Variants in ATP8A2 observed in about 807,000 individuals in gnomAD.
ATP8A2 encodes the protein ATPase phospholipid transporting 8A2, also known as phospholipid-transporting ATPase IB.
A neutral mutation model predicts 165.6 loss-of-function variants in ATP8A2; 100 were observed. That is an observed-to-expected ratio of 0.60 (90% confidence interval 0.51 to 0.71). The LOEUF (loss-of-function observed/expected upper bound fraction) is 0.71. Among genes scored for constraint, ATP8A2 ranks in the 30% least tolerant of loss-of-function variants. The pLI, the probability that ATP8A2 is intolerant of heterozygous loss-of-function variation, is 0.00. For synonymous variants in ATP8A2, 543 were observed against 548.8 expected, an observed-to-expected ratio of 0.99 and a Z score of 0.15; for missense variants, 1,227 against 1,479.5, an observed-to-expected ratio of 0.83 and a Z score of 2.80.
chr13:25,862,488 T>C (rs1185710118), intron 33 of ATP8A2, 80 bp downstream of exon 33: 6 of 1,086,588 alleles, frequency 5.5e-6, no homozygotes, highest in African/African-American at 3.1e-5. Context: ...GCAGGCACTG[T>C]GTGTCTTACA....
chr13:25,421,519 G>C (rs929798781), intron 1 of ATP8A2, among the ~76,000 whole-genome samples: 1 of 152,068 alleles, frequency 6.6e-6, no homozygotes, highest in African/African-American at 2.4e-5. Context: ...ACTTTTTGTA[G>C]AGACAGGGTC....
chr13:25,741,137 T>G (rs1333832766), intron 25 of ATP8A2, among the ~76,000 whole-genome samples: 1 of 152,100 alleles, frequency 6.6e-6, no homozygotes, highest in Admixed American at 6.5e-5. Flanking sequence ...GGAAAAATCT[T>G]TGTTTGAGAA....
rs143069399 is a variant in ATP8A2 at position 25,593,815 on chromosome 13, T to C, written c.2211+4116T>C. On this transcript the variant is annotated intron_variant, in intron 24 of 36. Transcript: ENST00000381655. ...GGTTAAATGGACTTGTGGACTAGAGTTAGTTTTCATTAAAATGACTCTCAC... is the reference window on the plus strand; with the variant it reads ...GGTTAAATGGACTTGTGGACTAGAGCTAGTTTTCATTAAAATGACTCTCAC... Among the ~76,000 whole-genome samples, 4 of 152,264 alleles carry C rather than the reference T, an allele frequency of 2.6e-5. No individual in the cohort carries two copies. In the East Asian group the frequency reaches 5.8e-4, roughly 22 times the overall value.
chr13:25,578,359 T>C (rs1293107484), intron 20 of ATP8A2, among the ~76,000 whole-genome samples: 1 of 152,230 alleles, frequency 6.6e-6, no homozygotes, highest in African/African-American at 2.4e-5. Flanking sequence ...CCTGTGTGTT[T>C]CTTGGCAGAA....
At chr13:25,914,315 T>G (rs1954205319) in intron 33 of ATP8A2, among the ~76,000 whole-genome samples, 1 of 152,200 alleles carries the variant, frequency 6.6e-6, no homozygotes, top group Non-Finnish European at 1.5e-5. Flanking sequence ...ATATCAAGTA[T>G]AAATATCCAG....
chr13:25,996,376 C>G (rs1181998604), intron 35 of ATP8A2, among the ~76,000 whole-genome samples: 3 of 152,182 alleles, frequency 2.0e-5, no homozygotes, highest in Non-Finnish European at 4.4e-5. Flanking sequence ...ATAATTTTCA[C>G]TTTAACTCAT....
intron 1 of ATP8A2, among the ~76,000 whole-genome samples, chr13:25,460,333 G>C (rs1324765544): frequency 6.6e-6 from 1 of 152,202 alleles, no homozygotes; most frequent in African/African-American, 2.4e-5. Context: ...TCAGCAATGA[G>C]ATTTTAAAGC....
intron 33 of ATP8A2, among the ~76,000 whole-genome samples, chr13:25,912,177 C>T (rs1427582645): frequency 1.4e-5 from 2 of 147,144 alleles, no homozygotes; most frequent in Non-Finnish European, 2.9e-5. Flanking sequence ...CACACACACA[C>T]ACACACACAC....
chr13:25,573,101 T>G (rs1320131906), intron 18 of ATP8A2, among the ~76,000 whole-genome samples: 1 of 152,180 alleles, frequency 6.6e-6, no homozygotes, highest in Non-Finnish European at 1.5e-5. Context: ...GAATATAGAA[T>G]TTCCCGTACA....
chr13:25,449,866 G>T (rs1281420951), intron 1 of ATP8A2, among the ~76,000 whole-genome samples: 3 of 152,028 alleles, frequency 2.0e-5, no homozygotes, highest in African/African-American at 7.2e-5. Flanking sequence ...ACAAGTGCAG[G>T]TTTGTTACAT....
chr13:25,380,410 T>A lies in ATP8A2; in HGVS notation c.76+8122T>A, dbSNP rs1475421198. ...CAGTAGAGTGGCCACTAGCTGCATG[T>A]GGCTGAAGAAATGGTGAGTCATGGT... is the stretch of plus-strand genomic sequence containing the variant. On this transcript the variant is annotated intron_variant, in intron 1 of 36. Coordinates refer to ENST00000381655, the MANE Select transcript of ATP8A2 (RefSeq NM_016529.6). 2.6e-5 allele frequency among the ~76,000 whole-genome samples: 4 copies of A among 152,194 alleles called. No individual in the cohort carries two copies. The East Asian group carries it at 7.7e-4, about 29-fold the overall frequency.
intron 24 of ATP8A2, among the ~76,000 whole-genome samples, chr13:25,609,562 G>GCTTCAAATATATATATATAT (rs1565976934): frequency 6.9e-6 from 1 of 145,698 alleles, no homozygotes; most frequent in Non-Finnish European, 1.5e-5. Context: ...TATATATTTG[G>GCTTCAAATATATATATATAT]ATTCAAATAT....
chr13:25,798,432 A>G (rs959825446), intron 27 of ATP8A2, among the ~76,000 whole-genome samples: 8 of 152,150 alleles, frequency 5.3e-5, no homozygotes, highest in Admixed American at 2.6e-4. Flanking sequence ...GGTGCACACA[A>G]CTGTCTGTGG....
Position 25,589,657 on chromosome 13 carries a change from G to C in ATP8A2, c.2169G>C (p.Ser723=). 3 of 1,611,732 alleles carry C rather than the reference G, an allele frequency of 1.9e-6. No homozygotes were observed. The highest frequency in any genetic ancestry group is 2.5e-6 in the Non-Finnish European group (3 of 1,178,284). The change falls in exon 24 of 37, where the codon TCG becomes TCC. Residue 723 remains serine (S), a synonymous_variant. Coordinates refer to ENST00000381655, the MANE Select transcript of ATP8A2 (RefSeq NM_016529.6). ...INIGYSCRLV[S]QNMALILLKE... ...CAGGGTATTCCTGCCGATTGGTATC[G>C]CAGAATATGGCCCTTATCCTATTGA...
chr13:25,632,451 G>A (rs7333009), intron 24 of ATP8A2, among the ~76,000 whole-genome samples: 37,712 of 152,046 alleles, frequency 0.25, 4,980 homozygotes, highest in South Asian at 0.48. Flanking sequence ...GTCACTGGTA[G>A]CCATCTCATT....
rs543063391 is a variant in ATP8A2 at position 25,857,993 on chromosome 13, G to A, written c.2957-2202G>A. Among the ~76,000 whole-genome samples the A allele has an allele frequency of 3.9e-5, 6 of 152,214 alleles. No individual in the cohort carries two copies. In the South Asian group the frequency reaches 6.2e-4, roughly 16 times the overall value. ...ATAAAAACAGGGACCTTCTCTTCCC[G>A]GTTTTCATAATAGTGCCTGGCATAA... On this transcript the variant is annotated intron_variant, in intron 30 of 36. Coordinates refer to ENST00000381655, the MANE Select transcript of ATP8A2 (RefSeq NM_016529.6).
rs142907114 is a variant in ATP8A2, at chr13:25,971,952, T to C, written c.3377+3273T>C. On this transcript the variant is annotated intron_variant, in intron 35 of 36. Transcript: ENST00000381655. ...CTCAGCATCCCTAACCCCAGGGGCT[T>C]ACTCAGCTCAGTCCTGACAGCATTG... is the stretch of plus-strand genomic sequence containing the variant. Among the ~76,000 whole-genome samples the C allele has an allele frequency of 9.6e-3, 1,459 of 152,194 alleles. 18 individuals are homozygous for C. Among genetic ancestry groups the C allele is most frequent in the African/African-American group, 0.033 (1,372 of 41,546 alleles).
At chr13:25,811,662 G>A (rs550518367) in intron 27 of ATP8A2, among the ~76,000 whole-genome samples, 11 of 152,214 alleles carry the variant, frequency 7.2e-5, no homozygotes, top group African/African-American at 2.6e-4. Context: ...GACAAGCCTA[G>A]GAACATGATG....
chr13:25,450,177 G>T (rs1048068933), intron 1 of ATP8A2, among the ~76,000 whole-genome samples: 1 of 152,168 alleles, frequency 6.6e-6, no homozygotes, highest in African/African-American at 2.4e-5. Flanking sequence ...GTGGTGCATA[G>T]TATTTCATGG....
Sources: gnomAD v4.1 joint callset for allele counts (sites outside exome capture counted in the v4.1 genomes callset) on GRCh38, gnomAD v4.1.1 for gene constraint, MANE v1.5 for transcripts, NCBI Gene and HGNC (gene_info 2026-07-23, HGNC 2026-07-21) for gene names.